The following TSPAN18 variants were observed in gnomAD, a reference collection of about 807,000 sequenced individuals.
TSPAN18 encodes tetraspanin-18.
Under a neutral mutation model 27.3 loss-of-function variants are expected in TSPAN18, and 14 were observed. That is an observed-to-expected ratio of 0.51 (90% CI 0.34 to 0.80). TSPAN18 has a LOEUF of 0.80. Among genes scored for constraint, TSPAN18 ranks in the 30% least tolerant of loss-of-function variants. TSPAN18 has a pLI of 0.01. For synonymous variants in TSPAN18, 143 were observed against 136.5 expected, an observed-to-expected ratio of 1.05 and a Z score of -0.33; for missense variants, 268 against 323.9, an observed-to-expected ratio of 0.83 and a Z score of 1.32.
intron 8 of TSPAN18, among the ~76,000 whole-genome samples, chr11:44,925,951 CTCTA>C (rs1277546511): frequency 2.0e-5 from 3 of 152,116 alleles, no homozygotes; most frequent in African/African-American, 4.8e-5. Flanking sequence ...TTTTTCCTAT[CTCTA>C]TCTATCTATC....
chr11:44,865,888 C>A (rs1227440402), intron 3 of TSPAN18, among the ~76,000 whole-genome samples: 1 of 152,206 alleles, frequency 6.6e-6, no homozygotes, highest in Admixed American at 6.5e-5. Context: ...TCACAGGGGT[C>A]TCCAGCACTC....
At chr11:44,748,155 C>T (rs1855126172) in intron 1 of TSPAN18, among the ~76,000 whole-genome samples, 1 of 152,214 alleles carries the variant, frequency 6.6e-6, no homozygotes, top group African/African-American at 2.4e-5. Flanking sequence ...CACCTGTAAT[C>T]TCAGCACTTT....
At chr11:44,749,133 C>T (rs1335949419) in intron 1 of TSPAN18, among the ~76,000 whole-genome samples, 1 of 152,172 alleles carries the variant, frequency 6.6e-6, no homozygotes, top group Non-Finnish European at 1.5e-5. Context: ...TCTTGAGTGG[C>T]CCTATGTCAA....
At chr11:44,826,934 C>T (rs1329202495) in intron 2 of TSPAN18, among the ~76,000 whole-genome samples, 1 of 152,132 alleles carries the variant, frequency 6.6e-6, no homozygotes, top group East Asian at 1.9e-4. Context: ...CCCAGCTTAC[C>T]ATAGTCTTAT....
chr11:44,879,252 C>A (rs1031864211), intron 3 of TSPAN18, among the ~76,000 whole-genome samples: 1 of 152,114 alleles, frequency 6.6e-6, no homozygotes, highest in Non-Finnish European at 1.5e-5. Flanking sequence ...CCCTCCCTCC[C>A]TCTCTCCCTC....
At chr11:44,854,989 A>G (rs1857698152) in intron 2 of TSPAN18, among the ~76,000 whole-genome samples, 2 of 152,256 alleles carry the variant, frequency 1.3e-5, no homozygotes, top group Admixed American at 1.3e-4. Flanking sequence ...CGACTCACTC[A>G]TGAGCAATGA....
At chr11:44,922,064 CTG>C (rs1208917586) in intron 8 of TSPAN18, among the ~76,000 whole-genome samples, 1 of 151,874 alleles carries the variant, frequency 6.6e-6, no homozygotes, top group Admixed American at 6.6e-5. Flanking sequence ...TGCTGTGGAA[CTG>C]TCTCTATTTG....
At position 44,875,514 on chromosome 11, in the gene TSPAN18, A is replaced by G. The variant is rs568405728; in HGVS notation, c.-11+15045A>G. 3.9e-5 allele frequency among the ~76,000 whole-genome samples: 6 copies of G among 152,348 alleles called. No homozygotes were observed. In the East Asian group the frequency reaches 7.7e-4, roughly 20 times the overall value. On this transcript the variant is annotated intron_variant, in intron 3 of 9. Coordinates refer to ENST00000520358, the MANE Select transcript of TSPAN18 (RefSeq NM_130783.5). ...CTCATCCTAGCTGGTTGCACAACCC[A>G]ATTCACAGTGCTTGCTCTCATTACG...
intron 4 of TSPAN18, among the ~76,000 whole-genome samples, chr11:44,908,800 A>AAAGAAAGC (rs1859583501): frequency 7.1e-6 from 1 of 140,598 alleles, no homozygotes; most frequent in Non-Finnish European, 1.5e-5. Flanking sequence ...AGAAAGAAAG[A>AAAGAAAGC]AAGAAAGAAA....
At chr11:44,761,343 C>T (rs1855450822) in intron 1 of TSPAN18, among the ~76,000 whole-genome samples, 1 of 152,186 alleles carries the variant, frequency 6.6e-6, no homozygotes, top group African/African-American at 2.4e-5. Flanking sequence ...TCTCCATCTC[C>T]CAGGACAGCT....
intron 2 of TSPAN18, among the ~76,000 whole-genome samples, chr11:44,846,899 T>C (rs1160292217): frequency 6.6e-6 from 1 of 152,158 alleles, no homozygotes; most frequent in Non-Finnish European, 1.5e-5. Context: ...CCATCATCTA[T>C]TGAATGCCTA....
intron 3 of TSPAN18, among the ~76,000 whole-genome samples, chr11:44,896,653 A>T (rs1859064466): frequency 6.6e-6 from 1 of 151,936 alleles, no homozygotes; most frequent in Non-Finnish European, 1.5e-5. Context: ...CTCCCCCAAG[A>T]CTAGCCTTCA....
At chr11:44,879,952 C>T (rs1195107405) in intron 3 of TSPAN18, among the ~76,000 whole-genome samples, 1 of 152,228 alleles carries the variant, frequency 6.6e-6, no homozygotes, top group Admixed American at 6.5e-5. Flanking sequence ...GCTCCTCTCC[C>T]AGCTCTCTCT....
intron 2 of TSPAN18, among the ~76,000 whole-genome samples, chr11:44,793,770 C>T (rs1013257325): frequency 4.6e-5 from 7 of 152,228 alleles, no homozygotes; most frequent in Non-Finnish European, 1.0e-4. Context: ...TCTTTACCTT[C>T]CACTGCGCTC....
At chr11:44,778,624 A>G (rs1855868070) in intron 2 of TSPAN18, among the ~76,000 whole-genome samples, 1 of 152,154 alleles carries the variant, frequency 6.6e-6, no homozygotes, top group Admixed American at 6.5e-5. Context: ...TTGGTCTCTG[A>G]GGACTTTCCC....
rs534414648 is a variant in TSPAN18, at chr11:44,856,497, C to G, written c.-152-3831C>G. ...CTTCCCCTTCCTCCAGGAAGCCTTC[C>G]CTGGGGCCTCTCACTCCTCTGAATT... On this transcript the variant is annotated intron_variant, in intron 2 of 9. Transcript: ENST00000520358. Among the ~76,000 whole-genome samples, 3 of 152,240 alleles carry G rather than the reference C, an allele frequency of 2.0e-5. No homozygotes were observed. In the East Asian group the frequency reaches 5.8e-4, roughly 29 times the overall value.
chr11:44,736,426 C>T (rs1028497648), intron 1 of TSPAN18: 3 of 152,252 alleles, frequency 2.0e-5, no homozygotes, highest in Admixed American at 2.0e-4. Flanking sequence ...TGCCTGCCAG[C>T]TCCGTCTCCT....
chr11:44,800,007 T>TTTTTTTTTTTTG (rs1856442794), intron 2 of TSPAN18, among the ~76,000 whole-genome samples: 1 of 12,096 alleles, frequency 8.3e-5, no homozygotes. Flanking sequence ...ATTTTTTGTG[T>TTTTTTTTTTTTG]TTTTTTTTTT....
rs1174287613 is a variant in TSPAN18, at chr11:44,726,982, G to A, written c.-545G>A. ...CGTGCAGCTGCCGCCGGCGTCGCGG[G>A]GCTCCAGGCTGCGGGGCGGACGTAG... On this transcript the variant is annotated 5_prime_UTR_variant, in exon 1 of 10. Transcript: ENST00000520358. 1.6e-4 allele frequency: 21 copies of A among 130,358 alleles called. No individual in the cohort carries two copies. Among genetic ancestry groups the A allele is most frequent in the South Asian group, 4.5e-4 (2 of 4,466 alleles). The allele number at this position is 130,358 out of a possible 1,614,324, so 8.1% of individuals were successfully genotyped here.
Sources: allele counts gnomAD v4.1 joint callset (sites outside exome capture counted in the v4.1 genomes callset), GRCh38; gene constraint gnomAD v4.1.1; transcripts MANE v1.5; gene names NCBI Gene and HGNC (gene_info 2026-07-23, HGNC 2026-07-21).